The following GLYR1 variants were observed in gnomAD, a reference collection of about 807,000 sequenced individuals.
GLYR1 encodes the protein cytokine-like nuclear factor N-PAC.
In GLYR1, 21 loss-of-function variants were observed where a neutral mutation model predicts 72.7. The observed-to-expected ratio is 0.29, with a 90% CI of 0.20 to 0.42. The LOEUF is 0.42. Among genes scored for constraint, GLYR1 ranks in the 10% least tolerant of loss-of-function variants. The pLI is 1.00. For missense variants in GLYR1, 594 were observed against 712.1 expected (o/e 0.83, Z 1.89); for synonymous variants, 392 against 270.2 (o/e 1.45, Z -4.42).
At chr16:4,843,872 G>GT (rs902025642) in intron 3 of GLYR1, 1 of 197,378 alleles carries the variant, frequency 5.1e-6, no homozygotes, top group African/African-American at 2.4e-5. Flanking sequence ...GAGGGGGTTG[G>GT]GGGGGGGAGG....
In GLYR1 at chr16:4,816,975, T is replaced by C. The variant is rs1342957406; in HGVS notation, c.906+623A>G. Among the ~76,000 whole-genome samples, 6 of 150,200 alleles carry C rather than the reference T, an allele frequency of 4.0e-5. No individual in the cohort carries two copies. The Admixed American group carries it at 4.0e-4, about 10-fold the overall frequency. ...TTTTTTTTTTTTTGAGACGGAGTCT[T>C]GTTCTGTTGCCAGGCTGGAGTGCAG... is the stretch of plus-strand genomic sequence containing the variant. On this transcript the variant is annotated intron_variant, in intron 10 of 15. Transcript: ENST00000321919.
chr16:4,812,227 GC>G lies in GLYR1; in HGVS notation c.1140del (p.Arg381AlafsTer20), dbSNP rs749150409. 1.1e-5 allele frequency: 17 copies of G among 1,611,112 alleles called. No homozygotes were observed. Among genetic ancestry groups the G allele is most frequent in the Admixed American group, 3.3e-5 (2 of 59,744 alleles). On this transcript the variant is annotated frameshift_variant, in exon 13 of 16. Transcript: ENST00000321919. LOFTEE classifies it high-confidence loss of function. ...ELAQVIVSRG[G>X]RFLEAPVSGN... ...CCTGAGACGGGGGCTTCCAGAAAGC[GC>G]CCCCCCCTGGACACAATCACCTGGA...
At chr16:4,820,387 C>T (rs2083934522) in intron 9 of GLYR1, among the ~76,000 whole-genome samples, 1 of 152,184 alleles carries the variant, frequency 6.6e-6, no homozygotes, top group Non-Finnish European at 1.5e-5. Context: ...AACAACAAAA[C>T]TGGTTGGTTT....
intron 5 of GLYR1, among the ~76,000 whole-genome samples, chr16:4,828,458 A>T (rs2084572045): frequency 6.6e-6 from 1 of 152,110 alleles, no homozygotes; most frequent in African/African-American, 2.4e-5. Flanking sequence ...ATGGGAAACC[A>T]AGACGTTTGT....
At chr16:4,817,755 G>A (rs1282717756) in intron 9 of GLYR1, 58 bp from the exon 10 acceptor site, 6 of 1,058,844 alleles carry the variant, frequency 5.7e-6, no homozygotes, top group South Asian at 2.5e-5. Context: ...CGGTGATGAT[G>A]ATTCCATGCA....
chr16:4,846,823 G>C (rs1181613137), intron 1 of GLYR1: 2 of 286,382 alleles, frequency 7.0e-6, no homozygotes, highest in East Asian at 1.1e-4. Flanking sequence ...TCGCAACCTG[G>C]GCTTTGACCG....
chr16:4,821,572 G>A lies in GLYR1; in HGVS notation c.707C>T (p.Thr236Met). The A allele has an allele frequency of 3.1e-6, 5 of 1,614,034 alleles. No homozygotes were observed. The highest frequency in any genetic ancestry group is 3.4e-6 in the Non-Finnish European group (4 of 1,180,016). Residue 236 changes from threonine (T) to methionine (M), a missense_variant, in exon 8 of 16, where the codon ACG becomes ATG. This residue lies in a region of GLYR1 where 252 missense variants were observed against 211.3 expected (regional missense o/e 1.19). Transcript: ENST00000321919. Reference sequence around the variant, plus strand: ...CTCTTCACATATTTTCAACTTCTTCGTGATTGCCTGGTAACAGACAGCTGG... The same window carrying A: ...CTCTTCACATATTTTCAACTTCTTCATGATTGCCTGGTAACAGACAGCTGG... ...EKPAVCYQAI[T>M]KKLKICEEET...
intron 12 of GLYR1, among the ~76,000 whole-genome samples, 173 bp from the exon 13 acceptor site, chr16:4,812,421 G>C (rs2083369583): frequency 6.6e-6 from 1 of 152,116 alleles, no homozygotes; most frequent in Non-Finnish European, 1.5e-5. Flanking sequence ...AGCTAACCAT[G>C]TGCAGGTCAC....
At chr16:4,843,573 C>G (rs546557924) in intron 3 of GLYR1, 1 of 1,289,090 alleles carries the variant, frequency 7.8e-7, no homozygotes, top group South Asian at 1.2e-5. Flanking sequence ...GCTAAGCTGG[C>G]TTGTGATAGA....
intron 9 of GLYR1, among the ~76,000 whole-genome samples, chr16:4,820,018 G>C (rs1048987464): frequency 6.6e-6 from 1 of 152,084 alleles, no homozygotes; most frequent in Admixed American, 6.6e-5. Flanking sequence ...ATTTTTTTGA[G>C]ACACAGTCTC....
At chr16:4,824,318 G>C (rs2084237946) in intron 5 of GLYR1, among the ~76,000 whole-genome samples, 2 of 151,822 alleles carry the variant, frequency 1.3e-5, no homozygotes, top group South Asian at 2.1e-4. Context: ...ATCGAGACCA[G>C]CCTGGCCAAC....
chr16:4,842,485 G>T (rs528687804), intron 3 of GLYR1, among the ~76,000 whole-genome samples: 1 of 151,746 alleles, frequency 6.6e-6, no homozygotes, highest in South Asian at 2.1e-4. Context: ...GCATACCTGG[G>T]ACTACACTTG....
At chr16:4,820,813 G>A (rs778247237) in intron 9 of GLYR1, among the ~76,000 whole-genome samples, 6 of 152,184 alleles carry the variant, frequency 3.9e-5, no homozygotes, top group African/African-American at 7.2e-5. Context: ...AAGGCTGGGC[G>A]CAAGTTGGGT....
Position 4,827,853 on chromosome 16 carries a change from T to C in GLYR1, c.538-3946A>G, listed in dbSNP as rs986172646. Among the ~76,000 whole-genome samples the C allele has an allele frequency of 3.3e-5, 5 of 151,610 alleles. No homozygotes were observed. The East Asian group carries it at 7.9e-4, about 24-fold the overall frequency. On this transcript the variant is annotated intron_variant, in intron 5 of 15. Coordinates refer to ENST00000321919, the MANE Select transcript of GLYR1 (RefSeq NM_032569.4). Reference sequence around the variant, plus strand: ...AGGCGGAGCTTGCAGTGAGCCGAGATTGCGCCACTGCACCGCAGCCTGGGC... The same window carrying C: ...AGGCGGAGCTTGCAGTGAGCCGAGACTGCGCCACTGCACCGCAGCCTGGGC...
In GLYR1 at chr16:4,827,608, C is replaced by A. The variant is rs9921209; in HGVS notation, c.538-3701G>T. 6.8e-3 allele frequency among the ~76,000 whole-genome samples: 1,028 copies of A among 150,682 alleles called. 9 individuals carry two copies. The highest frequency in any genetic ancestry group is 0.024 in the African/African-American group (965 of 40,740). On this transcript the variant is annotated intron_variant, in intron 5 of 15. Coordinates refer to ENST00000321919, the MANE Select transcript of GLYR1 (RefSeq NM_032569.4). Reference sequence around the variant, plus strand: ...TTAAAAAAACAAACAAACAAACAAACAAAAAAAACGGGCCAGGCACGGTGG... The same window carrying A: ...TTAAAAAAACAAACAAACAAACAAAAAAAAAAAACGGGCCAGGCACGGTGG...
In GLYR1 at chr16:4,822,893, C is replaced by T; in HGVS notation, c.663G>A (p.Leu221=). Reference sequence around the variant, plus strand: ...AACTCACCTTCTCTGTTTGGCTTAGCAGGAAATGATGGAAATGAGGATCTG... The same window carrying T: ...AACTCACCTTCTCTGTTTGGCTTAGTAGGAAATGATGGAAATGAGGATCTG... ...KDADPHFHHF[L]LSQTEKPAVC... is the part of the protein sequence containing the mutation. The change falls in exon 7 of 16, where the codon CTG becomes CTA. Residue 221 remains leucine (L), a synonymous_variant. Coordinates refer to ENST00000321919, the MANE Select transcript of GLYR1 (RefSeq NM_032569.4). 1.2e-6 allele frequency: 2 copies of T among 1,614,166 alleles called. No homozygotes were observed. The highest frequency in any genetic ancestry group is 1.7e-6 in the Non-Finnish European group (2 of 1,180,014).
intron 13 of GLYR1, 124 bp from the exon 14 acceptor site, chr16:4,811,926 A>C (rs1596311747): frequency 7.1e-7 from 1 of 1,416,630 alleles, no homozygotes. Context: ...TGCCCCCGAC[A>C]GACTGGCTCT....
At chr16:4,827,259 A>G (rs995854308) in intron 5 of GLYR1, among the ~76,000 whole-genome samples, 2 of 152,234 alleles carry the variant, frequency 1.3e-5, no homozygotes, top group East Asian at 3.8e-4. Context: ...CGCCAGCCAA[A>G]TGACAATTAC....
At chr16:4,817,570 CCA>C (rs1567690837) in intron 10 of GLYR1, 26 bp downstream of exon 10, 1 of 1,417,722 alleles carries the variant, frequency 7.1e-7, no homozygotes, top group South Asian at 1.1e-5. Flanking sequence ...CTCCACCGAT[CCA>C]ACAGGCACCA....
Sources: gnomAD v4.1 joint callset for allele counts (sites outside exome capture counted in the v4.1 genomes callset) on GRCh38, gnomAD v4.1.1 for gene constraint, gnomAD v4.1.1 regional missense constraint, MANE v1.5 for transcripts, NCBI Gene and HGNC (gene_info 2026-07-23, HGNC 2026-07-21) for gene names.